HEATR5A: variants seen among roughly 807,000 people sequenced by gnomAD.
The protein encoded by HEATR5A is HEAT repeat containing 5A.
Under a neutral mutation model 218.8 loss-of-function variants are expected in HEATR5A, and 178 were observed. That is an observed-to-expected ratio of 0.81 (90% CI 0.72 to 0.92). The LOEUF is 0.92. HEATR5A is among the 40% of genes least tolerant of loss of function. HEATR5A has a pLI of 0.00. For missense variants in HEATR5A, 2,420 were observed against 2,418.9 expected (o/e 1.00, Z -0.01); for synonymous variants, 864 against 871.6 (o/e 0.99, Z 0.15).
intron 1 of HEATR5A, among the ~76,000 whole-genome samples, chr14:31,417,338 T>C (rs1339334127): frequency 1.3e-5 from 2 of 152,086 alleles, no homozygotes; most frequent in Admixed American, 1.3e-4. Context: ...GGTACGCGGA[T>C]CACGAGGTCA....
chr14:31,305,134 T>C lies in HEATR5A; in HGVS notation c.5010A>G (p.Gly1670=). The C allele has an allele frequency of 1.2e-6, 2 of 1,613,904 alleles. No individual in the cohort carries two copies. The highest frequency in any genetic ancestry group is 1.7e-6 in the Non-Finnish European group (2 of 1,179,850). Residue 1670 remains glycine, a synonymous_variant, in exon 32 of 36, where the codon GGA becomes GGG. Transcript: ENST00000543095. ...AAEKETLPEF[G]EGKDTGGLVP... ...CAAGTCCTCCGGTGTCCTTTCCCTC[T>C]CCAAACTCTGGCAGAGTTTCCTTTT...
At chr14:31,414,008 C>T (rs1223638635) in intron 1 of HEATR5A, among the ~76,000 whole-genome samples, 1 of 152,212 alleles carries the variant, frequency 6.6e-6, no homozygotes, top group Non-Finnish European at 1.5e-5. Flanking sequence ...GAGACATCAG[C>T]TTTCAGAGAG....
chr14:31,293,560 A>G lies in HEATR5A; in HGVS notation c.5886T>C (p.Asp1962=), dbSNP rs1899082856. The G allele has an allele frequency of 1.2e-6, 2 of 1,613,622 alleles. No homozygotes were observed. Residue 1962 remains aspartate (D), a synonymous_variant, in exon 36 of 36, where the codon GAT becomes GAC. Coordinates refer to ENST00000543095, the MANE Select transcript of HEATR5A (RefSeq NM_015473.4). ...LLPILISFLL[D]ENSLGSATSI... ...AAGTTGCTGATCCCAGAGAATTTTCATCCAAAAGGAAGGAAATGAGGATGG... is the reference window on the plus strand; with the variant it reads ...AAGTTGCTGATCCCAGAGAATTTTCGTCCAAAAGGAAGGAAATGAGGATGG...
chr14:31,415,890 T>C (rs572890169), intron 1 of HEATR5A, among the ~76,000 whole-genome samples: 1 of 151,840 alleles, frequency 6.6e-6, no homozygotes, highest in Non-Finnish European at 1.5e-5. Context: ...ACTGAAAAAA[T>C]ACATTACACA....
chr14:31,391,975 G>A (rs1264520711), intron 6 of HEATR5A, among the ~76,000 whole-genome samples: 1 of 152,160 alleles, frequency 6.6e-6, no homozygotes, highest in East Asian at 1.9e-4. Flanking sequence ...CTCAGAATGT[G>A]TCCCTATTAT....
chr14:31,309,104 G>T lies in HEATR5A; in HGVS notation c.4520C>A (p.Ala1507Asp). The change falls in exon 29 of 36, where the codon GCT becomes GAT. Residue 1507 changes from alanine (A) to aspartate (D), a missense_variant. By Grantham distance (126) the Ala-to-Asp change is moderately radical. Transcript: ENST00000543095. ...CGTGCTTGTAAGCCACAATGCTGTA[G>T]CATGGAGGATAAGTGCCCAGGAGTT... The part of the protein sequence containing the change: ...YYNSWALILH[A>D]TALWLTSTGF... 1 of 1,613,974 alleles carries T rather than the reference G, an allele frequency of 6.2e-7. No homozygotes were observed. The highest frequency in any genetic ancestry group is 8.5e-7 in the Non-Finnish European group (1 of 1,179,878).
At chr14:31,316,836 T>A (rs1482886734) in intron 26 of HEATR5A, among the ~76,000 whole-genome samples, 1 of 152,090 alleles carries the variant, frequency 6.6e-6, no homozygotes, top group Non-Finnish European at 1.5e-5. Flanking sequence ...CACAGGCACA[T>A]ACCACCACAT....
chr14:31,307,934 G>C lies in HEATR5A; in HGVS notation c.4777C>G (p.Leu1593Val), dbSNP rs1318213134. 6.8e-6 allele frequency: 11 copies of C among 1,613,700 alleles called. No homozygotes were observed. The highest frequency in any genetic ancestry group is 7.6e-6 in the Non-Finnish European group (9 of 1,179,836). The change falls in exon 30 of 36, where the codon CTA becomes GTA. Residue 1593 changes from leucine (L) to valine (V), a missense_variant. Physicochemically the swap from Leu to Val is conservative, Grantham distance 32. Coordinates refer to ENST00000543095, the MANE Select transcript of HEATR5A (RefSeq NM_015473.4). ...TTTGATCTGGGCCAAGGTACATCTA[G>C]AAGTGCTTGCAATGCATGTAAACAA... ...TACLHALQAL[L>V]DVPWPRSKIG...
chr14:31,331,425 T>C (rs1900467221), intron 22 of HEATR5A, among the ~76,000 whole-genome samples: 1 of 152,210 alleles, frequency 6.6e-6, no homozygotes, highest in Admixed American at 6.5e-5. Flanking sequence ...TTGGGCTTCA[T>C]TGTCCACATT....
chr14:31,364,934 G>C (rs1056999800), intron 13 of HEATR5A, among the ~76,000 whole-genome samples: 1 of 151,834 alleles, frequency 6.6e-6, no homozygotes, highest in Non-Finnish European at 1.5e-5. Context: ...AGTGGTAGTG[G>C]TATGATCTCG....
chr14:31,383,678 A>G lies in HEATR5A; in HGVS notation c.1439T>C (p.Leu480Ser). ...AWCLHCIAVALPSYLTPLLDR... is the reference protein window; with the variant it reads ...AWCLHCIAVASPSYLTPLLDR... ...CAAGAGTGGTGTTAGGTAGGAGGGT[A>G]ATGCCACGGCAATGCAGTGTAAACA... Residue 480 changes from leucine to serine, a missense_variant, in exon 10 of 36, where the codon TTA becomes TCA. Physicochemically the swap from Leu to Ser is moderately radical, Grantham distance 145. Coordinates refer to ENST00000543095, the MANE Select transcript of HEATR5A (RefSeq NM_015473.4). 6.2e-7 allele frequency: 1 copy of G among 1,613,970 alleles called. No individual in the cohort carries two copies. Among genetic ancestry groups the G allele is most frequent in the Non-Finnish European group, 8.5e-7 (1 of 1,179,878 alleles).
At chr14:31,386,942 A>G (rs2030249538) in intron 8 of HEATR5A, among the ~76,000 whole-genome samples, 178 bp downstream of exon 8, 1 of 152,236 alleles carries the variant, frequency 6.6e-6, no homozygotes, top group Admixed American at 6.5e-5. Flanking sequence ...GAGCTGAGAT[A>G]GACAGTTTCA....
intron 13 of HEATR5A, among the ~76,000 whole-genome samples, chr14:31,368,540 CT>C (rs1007352556): frequency 3.3e-5 from 5 of 150,978 alleles, no homozygotes; most frequent in Admixed American, 6.6e-5. Flanking sequence ...AGGAAGACTT[CT>C]TTTTTTTTGG....
At chr14:31,302,712 T>C (rs1414692675) in intron 32 of HEATR5A, 193 bp from the exon 33 acceptor site, 10 of 543,792 alleles carry the variant, frequency 1.8e-5, no homozygotes, top group Non-Finnish European at 3.2e-5. Flanking sequence ...ATCTTGATGG[T>C]TATAACTGGA....
At chr14:31,370,705 A>G (rs2139253256) in intron 13 of HEATR5A, among the ~76,000 whole-genome samples, 1 of 152,358 alleles carries the variant, frequency 6.6e-6, no homozygotes, top group East Asian at 1.9e-4. Context: ...GAGAATCAAT[A>G]TGTTGTTGTA....
chr14:31,321,580 C>G lies in HEATR5A; in HGVS notation c.3888G>C (p.Leu1296=). The G allele has an allele frequency of 1.2e-6, 2 of 1,608,718 alleles. No individual in the cohort carries two copies. Among genetic ancestry groups the G allele is most frequent in the Non-Finnish European group, 1.7e-6 (2 of 1,177,638 alleles). ...TTGCAAATCGCCGAATAACAACTAA[C>G]AGCATTTCAAGGCCAGAAAGACGGA... ...DQLRLSGLEM[L]LVVIRRFATV... The change falls in exon 25 of 36, where the codon CTG becomes CTC. Residue 1296 remains leucine (L), a synonymous_variant. Transcript: ENST00000543095.
Position 31,323,639 on chromosome 14 carries a change from T to A in HEATR5A, c.3713A>T (p.Asn1238Ile). The change falls in exon 24 of 36, where the codon AAC becomes ATC. Residue 1238 changes from asparagine to isoleucine, a missense_variant. Physicochemically the swap from Asn to Ile is moderately radical, Grantham distance 149. Coordinates refer to ENST00000543095, the MANE Select transcript of HEATR5A (RefSeq NM_015473.4). ...TGCACTGTTAGCATTCTCACATTGG[T>A]TAATTATCCTACAGACACATTCAGC... ...FAAECVCRII[N>I]QCENANSAHF... 1 of 1,612,914 alleles carries A rather than the reference T, an allele frequency of 6.2e-7. No individual in the cohort carries two copies. The highest frequency in any genetic ancestry group is 8.5e-7 in the Non-Finnish European group (1 of 1,179,014).
intron 21 of HEATR5A, chr14:31,340,602 C>T (rs967098638): frequency 2.0e-6 from 1 of 493,072 alleles, no homozygotes; most frequent in African/African-American, 2.0e-5. Context: ...ATTGGCTTAG[C>T]TTCAGCTTAA....
chr14:31,308,993 G>C lies in HEATR5A; in HGVS notation c.4631C>G (p.Ser1544Cys). Reference protein sequence around the residue: ...TPTSMCQGSSSGATIKSPEDV... With the variant: ...TPTSMCQGSSCGATIKSPEDV... ...CTCAGGGGACTTTATGGTAGCCCCA[G>C]ATGATGAACCCTGACACATGGAAGT... Residue 1544 changes from serine (S) to cysteine (C), a missense_variant, in exon 29 of 36, where the codon TCT becomes TGT. Physicochemically the swap from Ser to Cys is moderately radical, Grantham distance 112. Coordinates refer to ENST00000543095, the MANE Select transcript of HEATR5A (RefSeq NM_015473.4). 1 of 1,613,808 alleles carries C rather than the reference G, an allele frequency of 6.2e-7. No homozygotes were observed. The highest frequency in any genetic ancestry group is 1.1e-5 in the South Asian group (1 of 91,084).
Sources: allele counts gnomAD v4.1 joint callset (sites outside exome capture counted in the v4.1 genomes callset), GRCh38; gene constraint gnomAD v4.1.1; transcripts MANE v1.5; gene names NCBI Gene and HGNC (gene_info 2026-07-23, HGNC 2026-07-21).